The following TRAPPC9 variants were observed in gnomAD, a reference collection of about 807,000 sequenced individuals.
TRAPPC9 encodes trafficking protein particle complex subunit 9.
A neutral mutation model predicts 124.0 loss-of-function variants in TRAPPC9; 83 were observed. The ratio of observed to expected loss-of-function variants is 0.67; its 90% CI spans 0.56 to 0.80. TRAPPC9 has a LOEUF of 0.80. Among genes scored for constraint, TRAPPC9 ranks in the 30% least tolerant of loss-of-function variants. The probability of loss-of-function intolerance (pLI) is 0.00; values close to 1 mark genes in which losing one functional copy is unlikely to be tolerated. For synonymous variants in TRAPPC9, 638 were observed against 617.5 expected, an observed-to-expected ratio of 1.03 and a Z score of -0.49; for missense variants, 1,302 against 1,508.3, an observed-to-expected ratio of 0.86 and a Z score of 2.27.
chr8:139,769,257 T>C (rs1211085966), intron 21 of TRAPPC9, among the ~76,000 whole-genome samples: 1 of 152,228 alleles, frequency 6.6e-6, no homozygotes. Flanking sequence ...AAGTTTAACT[T>C]ATGTATTAGG....
intron 21 of TRAPPC9, among the ~76,000 whole-genome samples, chr8:139,814,162 C>G (rs1330406311): frequency 6.6e-6 from 1 of 152,240 alleles, no homozygotes; most frequent in Non-Finnish European, 1.5e-5. Flanking sequence ...ACCCAGCAGC[C>G]CTGTGCTCCG....
At chr8:140,371,526 T>C (rs976295260) in intron 7 of TRAPPC9, among the ~76,000 whole-genome samples, 1 of 152,246 alleles carries the variant, frequency 6.6e-6, no homozygotes, top group African/African-American at 2.4e-5. Flanking sequence ...AGGTCTCTCA[T>C]CAAACACAAA....
chr8:140,149,315 G>A (rs968679080), intron 17 of TRAPPC9, among the ~76,000 whole-genome samples: 13 of 152,146 alleles, frequency 8.5e-5, no homozygotes, highest in African/African-American at 2.9e-4. Context: ...CTCTCAAATA[G>A]GAATGAGAAT....
intron 9 of TRAPPC9, among the ~76,000 whole-genome samples, chr8:140,350,650 A>G (rs1163971265): frequency 6.6e-6 from 1 of 152,070 alleles, no homozygotes; most frequent in African/African-American, 2.4e-5. Flanking sequence ...AGAAGACGGC[A>G]CTGGAGGTGA....
In TRAPPC9 at chr8:140,431,415, C is replaced by T. The variant is rs539157313; in HGVS notation, c.859+3697G>A. Among the ~76,000 whole-genome samples the T allele has an allele frequency of 2.2e-3, 328 of 151,772 alleles. 2 individuals carry two copies. Among genetic ancestry groups the T allele is most frequent in the African/African-American group, 7.5e-3 (310 of 41,372 alleles). Reference sequence around the variant, plus strand: ...GAGGTTGCAGTGAGCTACTGCACTCCGGCCTCGGCGACAGAGTGAGACTCT... The same window carrying T: ...GAGGTTGCAGTGAGCTACTGCACTCTGGCCTCGGCGACAGAGTGAGACTCT... On this transcript the variant is annotated intron_variant, in intron 4 of 22. Coordinates refer to ENST00000438773, the MANE Select transcript of TRAPPC9 (RefSeq NM_001160372.4).
chr8:140,146,265 T>A (rs1268358376), intron 17 of TRAPPC9, among the ~76,000 whole-genome samples: 1 of 152,264 alleles, frequency 6.6e-6, no homozygotes, highest in African/African-American at 2.4e-5. Context: ...TTTCTAAATA[T>A]CTTCTCTGCC....
chr8:140,310,103 A>G (rs1374320496), intron 10 of TRAPPC9, among the ~76,000 whole-genome samples: 1 of 152,250 alleles, frequency 6.6e-6, no homozygotes, highest in Non-Finnish European at 1.5e-5. Context: ...CAAAGAATGC[A>G]GGGAGAAAGA....
At chr8:140,428,732 T>G (rs1448586452) in intron 4 of TRAPPC9, among the ~76,000 whole-genome samples, 2 of 152,194 alleles carry the variant, frequency 1.3e-5, no homozygotes, top group Non-Finnish European at 2.9e-5. Context: ...AGTAGTTGTA[T>G]TTTGTTGAAA....
In TRAPPC9 at chr8:139,742,542, C is replaced by G. The variant is rs1818634650; in HGVS notation, c.3056-10340G>C. Among the ~76,000 whole-genome samples, 1 of 152,186 alleles carries G rather than the reference C, an allele frequency of 6.6e-6. No individual in the cohort carries two copies. The highest frequency in any genetic ancestry group is 2.4e-5 in the African/African-American group (1 of 41,454). ...ACACAACATGCAATCAGGGACCAGG[C>G]AAGTCAGGGGCCACCAGAGAGGGTC... On this transcript the variant is annotated intron_variant, in intron 21 of 22. Coordinates refer to ENST00000438773, the MANE Select transcript of TRAPPC9 (RefSeq NM_001160372.4). This position sits in a 1 kb window ranked among gnomAD's most constrained non-coding sequence, Gnocchi z 4.7.
intron 17 of TRAPPC9, among the ~76,000 whole-genome samples, chr8:140,207,895 T>C (rs1180622826): frequency 6.6e-6 from 1 of 152,190 alleles, no homozygotes; most frequent in Non-Finnish European, 1.5e-5. Flanking sequence ...GCTCATGCCT[T>C]AATCCCAGCA....
chr8:140,259,168 C>A (rs2064339731), intron 15 of TRAPPC9, among the ~76,000 whole-genome samples: 1 of 152,208 alleles, frequency 6.6e-6, no homozygotes, highest in African/African-American at 2.4e-5. Flanking sequence ...GCCCTAGTTA[C>A]CCGCCTGCAC....
intron 17 of TRAPPC9, among the ~76,000 whole-genome samples, chr8:140,206,089 G>T (rs1461428603): frequency 6.6e-6 from 1 of 152,100 alleles, no homozygotes; most frequent in African/African-American, 2.4e-5. Flanking sequence ...ATGCAAGGTT[G>T]GTTTAACATT....
chr8:140,000,136 AT>A (rs1838293133), intron 18 of TRAPPC9, among the ~76,000 whole-genome samples: 1 of 152,228 alleles, frequency 6.6e-6, no homozygotes, highest in Non-Finnish European at 1.5e-5. Context: ...TGGTAAAAGG[AT>A]TCCCTATTTA....
At chr8:139,763,528 C>G (rs7833044) in intron 21 of TRAPPC9, among the ~76,000 whole-genome samples, 46,024 of 148,740 alleles carry the variant, frequency 0.31, 8,363 homozygotes, top group African/African-American at 0.52. Context: ...CCAGGTTCTA[C>G]AAACAAAACA....
intron 17 of TRAPPC9, among the ~76,000 whole-genome samples, chr8:140,032,730 A>G (rs1840582533): frequency 6.6e-6 from 1 of 152,222 alleles, no homozygotes; most frequent in Non-Finnish European, 1.5e-5. Context: ...ATACATGAAG[A>G]TATTTCTGAA....
intron 21 of TRAPPC9, among the ~76,000 whole-genome samples, chr8:139,837,525 C>A (rs917227743): frequency 6.6e-6 from 1 of 152,236 alleles, no homozygotes; most frequent in African/African-American, 2.4e-5. Flanking sequence ...TGAAGGCTCA[C>A]GTGCCCAGGG....
chr8:140,191,202 C>T (rs72688822), intron 17 of TRAPPC9, among the ~76,000 whole-genome samples: 21,855 of 152,182 alleles, frequency 0.14, 1,911 homozygotes, highest in Middle Eastern at 0.21. Context: ...TGCTCTCATA[C>T]GCATTTCATC....
intron 17 of TRAPPC9, among the ~76,000 whole-genome samples, chr8:140,094,580 G>T (rs530226967): frequency 6.6e-6 from 1 of 152,326 alleles, no homozygotes; most frequent in Non-Finnish European, 1.5e-5. Flanking sequence ...GTACCTACCA[G>T]TGACCTGACA....
At chr8:140,319,612 G>A (rs1426511319) in intron 9 of TRAPPC9, among the ~76,000 whole-genome samples, 1 of 152,058 alleles carries the variant, frequency 6.6e-6, no homozygotes, top group Non-Finnish European at 1.5e-5. Flanking sequence ...GACTACAGGT[G>A]TGCACCACAA....
Sources: gnomAD v4.1 joint callset for allele counts (sites outside exome capture counted in the v4.1 genomes callset) on GRCh38, gnomAD v4.1.1 for gene constraint, Gnocchi (gnomAD v3.1) non-coding constraint, MANE v1.5 for transcripts, NCBI Gene and HGNC (gene_info 2026-07-23, HGNC 2026-07-21) for gene names.